Variants in TP63 observed in about 807,000 individuals in gnomAD.
The protein encoded by TP63 is tumor protein p63, also known as tumor protein 63.
A neutral mutation model predicts 82.8 loss-of-function variants in TP63; 17 were observed. The observed-to-expected ratio is 0.21, with a 90% CI of 0.14 to 0.31. The LOEUF (loss-of-function observed/expected upper bound fraction) is 0.31, where lower values mean the gene tolerates loss of function less well. TP63 is among the 10% of genes least tolerant of loss of function. The pLI, the probability that TP63 is intolerant of heterozygous loss-of-function variation, is 1.00. For synonymous variants in TP63, 330 were observed against 321.7 expected, an observed-to-expected ratio of 1.03 and a Z score of -0.28; for missense variants, 648 against 895.3, an observed-to-expected ratio of 0.72 and a Z score of 3.52.
chr3:189,599,684 T>C, the TP63 span, among the ~76,000 whole-genome samples: 1 of 152,256 alleles, frequency 6.6e-6, no homozygotes, highest in Middle Eastern at 3.4e-3. Context: ...GAAAAACCAT[T>C]AGTAGATTCT....
At chr3:189,645,457 CT>C (rs2108626678) in intron 1 of TP63, 2 of 292,296 alleles carry the variant, frequency 6.8e-6, no homozygotes, top group East Asian at 1.2e-4. Flanking sequence ...ATTATATGAT[CT>C]TCTTTTTTAA....
chr3:189,625,200 A>T, the TP63 span, among the ~76,000 whole-genome samples: 43 of 152,316 alleles, frequency 2.8e-4, no homozygotes, highest in East Asian at 5.8e-4. Flanking sequence ...AAATCTTGAC[A>T]TTTAAATGTT....
intron 4 of TP63, 104 bp downstream of exon 4, chr3:189,808,630 C>A: frequency 6.3e-7 from 1 of 1,590,016 alleles, no homozygotes; most frequent in South Asian, 1.1e-5. Flanking sequence ...ATTCCATGTT[C>A]ATGGTGGAAA....
intron 10 of TP63, among the ~76,000 whole-genome samples, chr3:189,885,424 G>A (rs1720341379): frequency 6.6e-6 from 1 of 152,188 alleles, no homozygotes; most frequent in Admixed American, 6.5e-5. Context: ...GTAAATGTAT[G>A]TAGTTTATAT....
At chr3:189,672,821 G>GT (rs1560100279) in intron 1 of TP63, among the ~76,000 whole-genome samples, 3 of 151,904 alleles carry the variant, frequency 2.0e-5, no homozygotes, top group African/African-American at 4.8e-5. Context: ...GCCAACAATT[G>GT]GTTTTTTTAA....
chr3:189,875,972 A>G (rs759977702), intron 10 of TP63, among the ~76,000 whole-genome samples: 1 of 152,052 alleles, frequency 6.6e-6, no homozygotes, highest in Non-Finnish European at 1.5e-5. Context: ...TTCACGTCAC[A>G]TATTCTTATT....
the TP63 span, among the ~76,000 whole-genome samples, chr3:189,616,574 A>G: frequency 6.6e-6 from 1 of 152,194 alleles, no homozygotes; most frequent in Non-Finnish European, 1.5e-5. Context: ...ATATAACTGC[A>G]GTGGGTAATA....
chr3:189,743,029 TA>T lies in TP63; in HGVS notation c.324+4262del, dbSNP rs374380992. Among the ~76,000 whole-genome samples, 1,028 of 152,126 alleles carry T rather than the reference TA, an allele frequency of 6.8e-3. 14 individuals are homozygous for T. The highest frequency in any genetic ancestry group is 0.023 in the African/African-American group (971 of 41,504). ...GTGATGCTCATAAGTATTAAAAGAC[TA>T]AAAAAATTGACTAAAGTTTATATTA... On this transcript the variant is annotated intron_variant, in intron 3 of 13. Coordinates refer to ENST00000264731, the MANE Select transcript of TP63 (RefSeq NM_003722.5).
chr3:189,711,192 A>G (rs1718569769), intron 1 of TP63, among the ~76,000 whole-genome samples: 1 of 152,128 alleles, frequency 6.6e-6, no homozygotes, highest in South Asian at 2.1e-4. Flanking sequence ...CATTTACAGC[A>G]TAGATTTTCC....
In TP63 at chr3:189,813,260, C is replaced by A. The variant is rs184730517; in HGVS notation, c.579+4734C>A. ...TACTGGAAGCAACCTGATCAGTCAC[C>A]CGTGAAAAACTAGATGGCATGTTAT... On this transcript the variant is annotated intron_variant, in intron 4 of 13. Transcript: ENST00000264731. 7.9e-5 allele frequency among the ~76,000 whole-genome samples: 12 copies of A among 152,210 alleles called. 1 individual carries two copies. In the East Asian group the frequency reaches 2.1e-3, roughly 27 times the overall value.
At chr3:189,679,337 G>A (rs1715712415) in intron 1 of TP63, among the ~76,000 whole-genome samples, 2 of 151,916 alleles carry the variant, frequency 1.3e-5, no homozygotes, top group Non-Finnish European at 2.9e-5. Flanking sequence ...CAGCTGTGAG[G>A]TGACATCTTA....
intron 3 of TP63, among the ~76,000 whole-genome samples, chr3:189,751,699 C>T (rs543583121): frequency 3.0e-4 from 46 of 152,134 alleles, no homozygotes; most frequent in Non-Finnish European, 4.1e-4. Context: ...TGTTTGAGTT[C>T]TTTGTGGGTT....
chr3:189,805,560 A>T (rs1307000405), intron 3 of TP63, among the ~76,000 whole-genome samples: 1 of 152,272 alleles, frequency 6.6e-6, no homozygotes, highest in African/African-American at 2.4e-5. Flanking sequence ...CCTTGGCCTT[A>T]TATGGCACCA....
At chr3:189,892,178 G>A (rs1440451556) in intron 13 of TP63, among the ~76,000 whole-genome samples, 2 of 152,168 alleles carry the variant, frequency 1.3e-5, no homozygotes, top group Non-Finnish European at 2.9e-5. Flanking sequence ...TCCTGTAGTA[G>A]ATTCCTACAT....
intron 4 of TP63, among the ~76,000 whole-genome samples, chr3:189,834,119 G>A (rs978431242): frequency 1.3e-5 from 2 of 152,132 alleles, no homozygotes; most frequent in Non-Finnish European, 2.9e-5. Flanking sequence ...CAGAGGCGCC[G>A]GGAAGCTTGA....
chr3:189,635,658 C>T (rs1172218977), intron 1 of TP63, among the ~76,000 whole-genome samples: 1 of 151,900 alleles, frequency 6.6e-6, no homozygotes, highest in Non-Finnish European at 1.5e-5. Context: ...GTAGTTACTC[C>T]CTCCCCTTCC....
At chr3:189,766,552 C>T (rs1722974136) in intron 3 of TP63, among the ~76,000 whole-genome samples, 1 of 152,142 alleles carries the variant, frequency 6.6e-6, no homozygotes, top group African/African-American at 2.4e-5. Context: ...GTTCCTTTCT[C>T]TAACATGCTG....
intron 4 of TP63, among the ~76,000 whole-genome samples, chr3:189,830,760 G>A (rs991595502): frequency 2.0e-5 from 3 of 152,054 alleles, no homozygotes; most frequent in African/African-American, 4.8e-5. Context: ...AATATGTGAC[G>A]CAAGAAAAAA....
intron 1 of TP63, among the ~76,000 whole-genome samples, chr3:189,718,805 T>G (rs1055957387): frequency 6.6e-6 from 1 of 152,116 alleles, no homozygotes; most frequent in Non-Finnish European, 1.5e-5. Flanking sequence ...ATTGTCATTT[T>G]TGGGAAAGGT....
Sources: gnomAD v4.1 joint callset for allele counts (sites outside exome capture counted in the v4.1 genomes callset) on GRCh38, gnomAD v4.1.1 for gene constraint, MANE v1.5 for transcripts, NCBI Gene and HGNC (gene_info 2026-07-23, HGNC 2026-07-21) for gene names.